Variants in GTF2H3 observed in about 807,000 individuals in gnomAD.
GTF2H3 encodes general transcription factor IIH subunit 3, also known as TFIIH basal transcription factor complex p34 subunit.
Under a neutral mutation model 51.1 loss-of-function variants are expected in GTF2H3, and 42 were observed. That is an observed-to-expected ratio of 0.82 (90% CI 0.64 to 1.06). The LOEUF (loss-of-function observed/expected upper bound fraction) is 1.06. GTF2H3 is among the 50% of genes least tolerant of loss of function. The probability of loss-of-function intolerance (pLI) is 0.00; values close to 1 mark genes in which losing one functional copy is unlikely to be tolerated. For synonymous variants in GTF2H3, 123 were observed against 123.8 expected (o/e 0.99, Z 0.04); for missense variants, 326 against 366.1 (o/e 0.89, Z 0.89).
chr12:123,647,806 T>C (rs920020258), intron 3 of GTF2H3, among the ~76,000 whole-genome samples, 157 bp from the exon 4 acceptor site: 5 of 152,254 alleles, frequency 3.3e-5, no homozygotes, highest in African/African-American at 1.2e-4. Context: ...AATTTTATCT[T>C]ACACATTTTT....
At chr12:123,654,891 C>G (rs760906965) in intron 7 of GTF2H3, 33 bp from the exon 8 acceptor site, 1 of 1,488,732 alleles carries the variant, frequency 6.7e-7, no homozygotes, top group South Asian at 1.1e-5. Flanking sequence ...CTGGCATGTG[C>G]CTGGGTGGAA....
At chr12:123,651,237 G>A (rs1220868624) in intron 5 of GTF2H3, 181 bp downstream of exon 5, 1 of 455,338 alleles carries the variant, frequency 2.2e-6, no homozygotes, top group East Asian at 4.0e-5. Context: ...TTTTGAGACA[G>A]TCTCACTCTG....
At chr12:123,651,597 A>G (rs1593807858) in intron 5 of GTF2H3, among the ~76,000 whole-genome samples, 1 of 152,126 alleles carries the variant, frequency 6.6e-6, no homozygotes, top group Admixed American at 6.5e-5. Context: ...AGGCAGGCGG[A>G]TCATGAGGTC....
intron 2 of GTF2H3, among the ~76,000 whole-genome samples, chr12:123,644,808 A>G (rs1462120653): frequency 2.6e-5 from 4 of 152,220 alleles, no homozygotes; most frequent in Non-Finnish European, 5.9e-5. Flanking sequence ...AAAGGTCTCC[A>G]GTGTTTTCAG....
chr12:123,651,943 T>C (rs1032756073), intron 5 of GTF2H3, among the ~76,000 whole-genome samples: 1 of 152,216 alleles, frequency 6.6e-6, no homozygotes, highest in African/African-American at 2.4e-5. Flanking sequence ...TGCTTTCTTG[T>C]TTCTTATTTT....
intron 9 of GTF2H3, among the ~76,000 whole-genome samples, chr12:123,658,293 A>G (rs1341199820): frequency 2.0e-5 from 3 of 151,732 alleles, no homozygotes; most frequent in African/African-American, 7.3e-5. Flanking sequence ...ATCTCGGTGC[A>G]CTGAAACCCC....
chr12:123,647,437 A>C (rs1252685348), intron 3 of GTF2H3, among the ~76,000 whole-genome samples: 1 of 151,758 alleles, frequency 6.6e-6, no homozygotes, highest in African/African-American at 2.4e-5. Context: ...GCACCACTGC[A>C]CTCCAGCCTG....
At chr12:123,651,088 G>A (rs1009690347) in intron 5 of GTF2H3, 32 bp downstream of exon 5, 2 of 1,499,074 alleles carry the variant, frequency 1.3e-6, no homozygotes, top group Non-Finnish European at 1.9e-6. Context: ...TTTAGAAGGT[G>A]TCTTCTGTAA....
intron 2 of GTF2H3, among the ~76,000 whole-genome samples, chr12:123,644,331 C>G (rs1955417851): frequency 6.6e-6 from 1 of 151,900 alleles, no homozygotes; most frequent in African/African-American, 2.4e-5. Context: ...GGAAGGTGAG[C>G]TCGAGGAAAG....
chr12:123,637,902 G>A (rs1355091430), intron 1 of GTF2H3, among the ~76,000 whole-genome samples: 1 of 152,184 alleles, frequency 6.6e-6, no homozygotes, highest in Admixed American at 6.5e-5. Context: ...TTTTGCTCCT[G>A]AAATTCTACC....
At chr12:123,643,140 A>T (rs1365828026) in intron 2 of GTF2H3, among the ~76,000 whole-genome samples, 1 of 152,170 alleles carries the variant, frequency 6.6e-6, no homozygotes, top group Non-Finnish European at 1.5e-5. Flanking sequence ...GGCCTCCCAA[A>T]GTGCTGGGAT....
intron 3 of GTF2H3, 24 bp downstream of exon 3, chr12:123,645,585 G>C (rs745773495): frequency 2.2e-5 from 25 of 1,133,206 alleles, no homozygotes; most frequent in Non-Finnish European, 3.4e-5. Flanking sequence ...GATTGCTTTT[G>C]CTCTTCAGTG....
intron 1 of GTF2H3, 49 bp downstream of exon 1, chr12:123,633,921 G>A (rs370745202): frequency 1.2e-6 from 2 of 1,604,716 alleles, no homozygotes. Flanking sequence ...CGGCTGTCTC[G>A]GTCCGGCTAC....
chr12:123,647,995 T>C lies in GTF2H3; in HGVS notation c.233T>C (p.Leu78Pro). ...TTATATCCTGGAAAGAATGGCAGACTTGGAGACTTCTTCGGAGACCCTGGC... is the reference window on the plus strand; with the variant it reads ...TTATATCCTGGAAAGAATGGCAGACCTGGAGACTTCTTCGGAGACCCTGGC... ...RFLYPGKNGR[L>P]GDFFGDPGNP... is the part of the protein sequence containing the mutation. Residue 78 changes from leucine to proline, a missense_variant, in exon 4 of 13, where the codon CTT becomes CCT. Coordinates refer to ENST00000543341, the MANE Select transcript of GTF2H3 (RefSeq NM_001516.5). The C allele has an allele frequency of 6.2e-7, 1 of 1,613,886 alleles. No individual in the cohort carries two copies. Among genetic ancestry groups the C allele is most frequent in the Non-Finnish European group, 8.5e-7 (1 of 1,179,876 alleles).
At chr12:123,651,430 C>G (rs1482265803) in intron 5 of GTF2H3, among the ~76,000 whole-genome samples, 1 of 152,036 alleles carries the variant, frequency 6.6e-6, no homozygotes, top group Admixed American at 6.6e-5. Context: ...AGGCTGGTCT[C>G]TAACTCCTGA....
At chr12:123,653,853 TAGTA>T (rs1401174229) in intron 7 of GTF2H3, among the ~76,000 whole-genome samples, 1 of 152,156 alleles carries the variant, frequency 6.6e-6, no homozygotes, top group East Asian at 1.9e-4. Context: ...TCATATACTT[TAGTA>T]ATCACTGCTT....
At position 123,645,354 on chromosome 12, in the gene GTF2H3, G is replaced by A. The variant is rs1955431521; in HGVS notation, c.94-101G>A. ...CAGGGTGCTGGGATTACAGGCTTGA[G>A]CCACTGCACCCAGCCTAAACGACAT... is the stretch of plus-strand genomic sequence containing the variant. On this transcript the variant is annotated intron_variant, in intron 2 of 12. Coordinates refer to ENST00000543341, the MANE Select transcript of GTF2H3 (RefSeq NM_001516.5). The A allele has an allele frequency of 4.4e-6, 3 of 675,494 alleles. No individual in the cohort carries two copies. In the South Asian group the frequency reaches 5.4e-5, roughly 12 times the overall value. The allele number at this position is 675,494 out of a possible 1,614,324, so 41.8% of individuals were successfully genotyped here.
chr12:123,657,871 G>A (rs1955606774), intron 9 of GTF2H3, among the ~76,000 whole-genome samples: 2 of 152,176 alleles, frequency 1.3e-5, no homozygotes, highest in African/African-American at 2.4e-5. Context: ...AAGCACTGCT[G>A]TGTTAAAGCG....
chr12:123,642,146 A>G (rs960987551), intron 2 of GTF2H3, among the ~76,000 whole-genome samples: 3 of 146,166 alleles, frequency 2.1e-5, no homozygotes, highest in Non-Finnish European at 3.0e-5. Flanking sequence ...GAGCCACTGC[A>G]CCCAGCCTTC....
Sources: allele counts gnomAD v4.1 joint callset (sites outside exome capture counted in the v4.1 genomes callset), GRCh38; gene constraint gnomAD v4.1.1; transcripts MANE v1.5; gene names NCBI Gene and HGNC (gene_info 2026-07-23, HGNC 2026-07-21).